The following ADCY8 variants were observed in gnomAD, a reference collection of about 807,000 sequenced individuals.
ADCY8 encodes the protein adenylate cyclase type 8.
Under a neutral mutation model 119.7 loss-of-function variants are expected in ADCY8, and 51 were observed. The observed-to-expected ratio is 0.43, with a 90% confidence interval of 0.34 to 0.54. The LOEUF (loss-of-function observed/expected upper bound fraction) is 0.54, where lower values mean the gene tolerates loss of function less well. Ranked by LOEUF, ADCY8 falls within the 20% of genes least tolerant of loss-of-function variation. The probability of loss-of-function intolerance (pLI) is 0.03; values close to 1 mark genes in which losing one functional copy is unlikely to be tolerated. For missense variants in ADCY8, 1,383 were observed against 1,598.8 expected (o/e 0.87, Z 2.30); for synonymous variants, 665 against 651.0 (o/e 1.02, Z -0.33).
At chr8:130,795,189 C>T (rs1815541177) in intron 15 of ADCY8, among the ~76,000 whole-genome samples, 1 of 152,226 alleles carries the variant, frequency 6.6e-6, no homozygotes, top group Non-Finnish European at 1.5e-5. Flanking sequence ...CTCCGTCGAT[C>T]ATCTGTTTCT....
At chr8:130,913,406 G>A (rs1820038129) in intron 5 of ADCY8, among the ~76,000 whole-genome samples, 1 of 151,734 alleles carries the variant, frequency 6.6e-6, no homozygotes, top group Non-Finnish European at 1.5e-5. Flanking sequence ...CAATTGTTTT[G>A]ATTTTTAGAT....
chr8:130,950,795 G>A (rs922006425), intron 3 of ADCY8, among the ~76,000 whole-genome samples: 51 of 152,152 alleles, frequency 3.4e-4, no homozygotes, highest in African/African-American at 1.2e-3. Context: ...CACCTCCCGG[G>A]TTCAAGCAAT....
intron 1 of ADCY8, among the ~76,000 whole-genome samples, chr8:130,992,425 A>ATATATATT (rs1563759152): frequency 7.2e-5 from 9 of 125,450 alleles, no homozygotes; most frequent in African/African-American, 2.7e-4. Flanking sequence ...ATATATATAT[A>ATATATATT]TATATTTGAG....
At chr8:130,984,999 C>CA (rs1455100617) in intron 2 of ADCY8, among the ~76,000 whole-genome samples, 1 of 151,996 alleles carries the variant, frequency 6.6e-6, no homozygotes, top group African/African-American at 2.4e-5. Context: ...AAGAAGGGGT[C>CA]AAGGAGAGGC....
In ADCY8 at chr8:131,007,264, A is replaced by G. The variant is rs139702627; in HGVS notation, c.961-16722T>C. On this transcript the variant is annotated intron_variant, in intron 1 of 17. Coordinates refer to ENST00000286355, the MANE Select transcript of ADCY8 (RefSeq NM_001115.3). ...ATCCCATGCATGGTTTTTGTTAGGC[A>G]AAATTTGCAAGTACTAGATCTCCCA... Among the ~76,000 whole-genome samples the G allele has an allele frequency of 8.5e-5, 13 of 152,320 alleles. 1 individual carries two copies. In the East Asian group the frequency reaches 2.3e-3, roughly 27 times the overall value.
intron 7 of ADCY8, among the ~76,000 whole-genome samples, chr8:130,899,271 T>A (rs574418733): frequency 2.6e-5 from 4 of 152,344 alleles, no homozygotes; most frequent in Non-Finnish European, 5.9e-5. Context: ...ATTACACTTA[T>A]ATGTTTTGAT....
chr8:130,895,758 A>C (rs1350641389), intron 7 of ADCY8, among the ~76,000 whole-genome samples: 1 of 152,178 alleles, frequency 6.6e-6, no homozygotes, highest in Non-Finnish European at 1.5e-5. Flanking sequence ...TCTAATAAGC[A>C]TCAAAACTTA....
intron 1 of ADCY8, among the ~76,000 whole-genome samples, chr8:131,034,192 G>A (rs1250167494): frequency 6.6e-6 from 1 of 152,068 alleles, no homozygotes; most frequent in Non-Finnish European, 1.5e-5. Flanking sequence ...TGTACATTAA[G>A]TAGTCACAGG....
intron 5 of ADCY8, among the ~76,000 whole-genome samples, chr8:130,913,537 C>T (rs1227965945): frequency 5.3e-5 from 8 of 152,116 alleles, no homozygotes; most frequent in Non-Finnish European, 8.8e-5. Flanking sequence ...CCATGATCAA[C>T]CACAGTCTTT....
chr8:130,822,528 A>G (rs895629022), intron 12 of ADCY8, among the ~76,000 whole-genome samples: 1 of 139,936 alleles, frequency 7.1e-6, no homozygotes, highest in African/African-American at 2.7e-5. Context: ...GAATCCATGA[A>G]TCCATGAATC....
At chr8:130,798,825 C>T (rs1233581533) in intron 15 of ADCY8, among the ~76,000 whole-genome samples, 1 of 152,112 alleles carries the variant, frequency 6.6e-6, no homozygotes, top group Non-Finnish European at 1.5e-5. Context: ...ATGTTCACAA[C>T]AGGCAAAATA....
chr8:130,823,228 G>C (rs889122432), intron 12 of ADCY8, among the ~76,000 whole-genome samples: 3 of 144,342 alleles, frequency 2.1e-5, no homozygotes, highest in Non-Finnish European at 4.6e-5. Context: ...ACAAAACTCA[G>C]AAGAAAAAGT....
At chr8:130,856,320 G>C (rs1817730752) in intron 9 of ADCY8, among the ~76,000 whole-genome samples, 1 of 152,070 alleles carries the variant, frequency 6.6e-6, no homozygotes, top group African/African-American at 2.4e-5. Context: ...GACCCTGACT[G>C]TATATCCCCA....
At chr8:130,799,191 G>A (rs1815686346) in intron 15 of ADCY8, among the ~76,000 whole-genome samples, 1 of 152,142 alleles carries the variant, frequency 6.6e-6, no homozygotes, top group Non-Finnish European at 1.5e-5. Context: ...TAGACAAGAG[G>A]AGTACTTTCT....
At chr8:130,867,139 G>C (rs1294791533) in intron 9 of ADCY8, among the ~76,000 whole-genome samples, 2 of 152,162 alleles carry the variant, frequency 1.3e-5, no homozygotes, top group Non-Finnish European at 2.9e-5. Flanking sequence ...GTTTAGAGGA[G>C]AGGAAAAAGC....
chr8:131,024,460 G>A (rs188334773), intron 1 of ADCY8, among the ~76,000 whole-genome samples: 2 of 152,132 alleles, frequency 1.3e-5, no homozygotes, highest in African/African-American at 4.8e-5. Flanking sequence ...ATTTCCTGGG[G>A]TCCATAGACA....
rs1288278960 is a variant in ADCY8 at position 130,821,562 on chromosome 8, A to G, written c.2676-142T>C. 1.7e-5 allele frequency: 11 copies of G among 633,672 alleles called. No homozygotes were observed. The Admixed American group carries it at 1.8e-4, about 10-fold the overall frequency. The allele number at this position is 633,672 out of a possible 1,614,324, so 39.3% of individuals were successfully genotyped here. A position where few individuals can be genotyped will look rare whatever the true frequency, so the allele number is the denominator to read the frequency against. On this transcript the variant is annotated intron_variant, in intron 12 of 17. Transcript: ENST00000286355. Reference sequence around the variant, plus strand: ...CTATTATGTGATAGTGGCTGCTCTAAGGGTTTGCACATTGGCTAATTCAAA... The same window carrying G: ...CTATTATGTGATAGTGGCTGCTCTAGGGGTTTGCACATTGGCTAATTCAAA...
At chr8:131,013,431 C>T (rs11989347) in intron 1 of ADCY8, among the ~76,000 whole-genome samples, 88,017 of 151,898 alleles carry the variant, frequency 0.58, 26,817 homozygotes, top group East Asian at 0.78. Flanking sequence ...CTGAAGCTCC[C>T]GGGTTGAGCC....
intron 13 of ADCY8, among the ~76,000 whole-genome samples, chr8:130,816,188 T>C (rs533715161): frequency 1.3e-5 from 2 of 152,284 alleles, no homozygotes; most frequent in African/African-American, 4.8e-5. Flanking sequence ...GAATTTTTAA[T>C]AACAAAGGCT....
Sources: allele counts gnomAD v4.1 joint callset (sites outside exome capture counted in the v4.1 genomes callset), GRCh38; gene constraint gnomAD v4.1.1; transcripts MANE v1.5; gene names NCBI Gene and HGNC (gene_info 2026-07-23, HGNC 2026-07-21).